The following ARHGAP26 variants were observed in gnomAD, a reference collection of about 807,000 sequenced individuals.
ARHGAP26 encodes rho GTPase-activating protein 26.
A neutral mutation model predicts 104.8 loss-of-function variants in ARHGAP26; 38 were observed. That is an observed-to-expected ratio of 0.36 (90% CI 0.28 to 0.48). ARHGAP26 has a LOEUF of 0.48. Among genes scored for constraint, ARHGAP26 ranks in the 20% least tolerant of loss-of-function variants. ARHGAP26 has a pLI of 0.99. For synonymous variants in ARHGAP26, 341 were observed against 340.0 expected, an observed-to-expected ratio of 1.00 and a Z score of -0.03; for missense variants, 704 against 947.9, an observed-to-expected ratio of 0.74 and a Z score of 3.38.
intron 17 of ARHGAP26, among the ~76,000 whole-genome samples, chr5:143,080,943 C>T (rs549730469): frequency 2.8e-4 from 42 of 152,072 alleles, no homozygotes; most frequent in African/African-American, 9.4e-4. Context: ...GAACAGTGGG[C>T]ACATTTGGGA....
At chr5:142,804,238 G>T (rs904493592) in intron 1 of ARHGAP26, among the ~76,000 whole-genome samples, 3 of 152,138 alleles carry the variant, frequency 2.0e-5, no homozygotes, top group Admixed American at 6.5e-5. Flanking sequence ...CAAAGAACGA[G>T]ACCCAATATT....
intron 11 of ARHGAP26, among the ~76,000 whole-genome samples, chr5:142,935,499 A>C (rs941087043): frequency 1.3e-5 from 2 of 152,266 alleles, no homozygotes; most frequent in African/African-American, 2.4e-5. Context: ...TTACAAAAAC[A>C]GATGGCTGGC....
At chr5:143,180,125 C>CA (rs1804088357) in intron 20 of ARHGAP26, among the ~76,000 whole-genome samples, 1 of 151,840 alleles carries the variant, frequency 6.6e-6, no homozygotes, top group Non-Finnish European at 1.5e-5. Context: ...AATTCTCTCT[C>CA]TTTTTTTTGT....
chr5:143,212,171 A>G (rs1393306553), intron 21 of ARHGAP26, among the ~76,000 whole-genome samples: 1 of 152,086 alleles, frequency 6.6e-6, no homozygotes, highest in African/African-American at 2.4e-5. Context: ...CCTGTCCTCA[A>G]GAGGCAGAAA....
intron 12 of ARHGAP26, among the ~76,000 whole-genome samples, chr5:143,022,294 G>A (rs58817012): frequency 0.02 from 3,112 of 152,040 alleles, 104 homozygotes; most frequent in African/African-American, 0.068. Context: ...GCTGGTCTCG[G>A]ACTCCTGACC....
intron 17 of ARHGAP26, among the ~76,000 whole-genome samples, chr5:143,096,187 T>C (rs1792279793): frequency 1.3e-5 from 2 of 152,234 alleles, no homozygotes. Flanking sequence ...AAAATATTAG[T>C]AAACTGCGTT....
intron 20 of ARHGAP26, among the ~76,000 whole-genome samples, chr5:143,151,289 T>C (rs966756149): frequency 3.9e-5 from 6 of 152,210 alleles, no homozygotes; most frequent in African/African-American, 1.4e-4. Flanking sequence ...GGCTAGGATG[T>C]GGAGCAGTGG....
At chr5:142,948,428 T>A (rs1767507228) in intron 11 of ARHGAP26, among the ~76,000 whole-genome samples, 1 of 151,588 alleles carries the variant, frequency 6.6e-6, no homozygotes, top group Non-Finnish European at 1.5e-5. Flanking sequence ...ATATATAATA[T>A]GTATTTTAAT....
intron 11 of ARHGAP26, among the ~76,000 whole-genome samples, chr5:142,945,282 T>C (rs1447410695): frequency 1.3e-5 from 2 of 152,360 alleles, no homozygotes; most frequent in Admixed American, 1.3e-4. Context: ...CCTTTCTACC[T>C]GTGCTTCTAT....
intron 17 of ARHGAP26, among the ~76,000 whole-genome samples, chr5:143,111,776 AT>A (rs1284816174): frequency 6.6e-6 from 1 of 152,148 alleles, no homozygotes; most frequent in Non-Finnish European, 1.5e-5. Flanking sequence ...CCTCGTAAAT[AT>A]TTTTTTGGCT....
intron 11 of ARHGAP26, among the ~76,000 whole-genome samples, chr5:142,945,200 A>T (rs1766929048): frequency 6.6e-6 from 1 of 152,168 alleles, no homozygotes; most frequent in Non-Finnish European, 1.5e-5. Context: ...TAACCAATGC[A>T]AGAGTTCTCA....
At chr5:142,866,346 C>T (rs762545319) in intron 1 of ARHGAP26, among the ~76,000 whole-genome samples, 8 of 152,200 alleles carry the variant, frequency 5.3e-5, no homozygotes, top group African/African-American at 1.4e-4. Context: ...CATTACCACT[C>T]ATTCCCTGCA....
In ARHGAP26 at chr5:142,932,091, G is replaced by A. The variant is rs1290037224; in HGVS notation, c.1073G>A (p.Arg358Lys). The change falls in exon 11 of 23, where the codon AGG becomes AAG. Residue 358 changes from arginine (R) to lysine (K), a missense_variant. Coordinates refer to ENST00000645722, the MANE Select transcript of ARHGAP26 (RefSeq NM_001135608.3). ...CAAGCTTTGTCGGAAGAGGACCGGAGGCTCTGGATGGAAGCCATGGATGGC... is the reference window on the plus strand; with the variant it reads ...CAAGCTTTGTCGGAAGAGGACCGGAAGCTCTGGATGGAAGCCATGGATGGC... Reference protein sequence around the residue: ...TMQALSEEDRRLWMEAMDGRE... With the variant: ...TMQALSEEDRKLWMEAMDGRE... 6.2e-7 allele frequency: 1 copy of A among 1,614,138 alleles called. No homozygotes were observed. The highest frequency in any genetic ancestry group is 8.5e-7 in the Non-Finnish European group (1 of 1,179,982).
chr5:143,051,668 T>C (rs956285894), intron 14 of ARHGAP26, among the ~76,000 whole-genome samples: 1 of 152,226 alleles, frequency 6.6e-6, no homozygotes, highest in African/African-American at 2.4e-5. Flanking sequence ...GCTCAAGTTA[T>C]GAGCCTTGCC....
intron 17 of ARHGAP26, among the ~76,000 whole-genome samples, chr5:143,084,011 A>G (rs1470001452): frequency 6.6e-6 from 1 of 152,248 alleles, no homozygotes; most frequent in African/African-American, 2.4e-5. Context: ...TCCACTTTAA[A>G]GCATCTGCAG....
At position 143,227,159 on chromosome 5, in the gene ARHGAP26, C is replaced by T. The variant is rs1036294536; in HGVS notation, c.*4713C>T. Reference sequence around the variant, plus strand: ...CTGAGTTTTGTGGACATGGCACTCCCGGAGACAGCAGTGGCCACCATGGCA... The same window carrying T: ...CTGAGTTTTGTGGACATGGCACTCCTGGAGACAGCAGTGGCCACCATGGCA... On this transcript the variant is annotated 3_prime_UTR_variant, in exon 23 of 23. Coordinates refer to ENST00000645722, the MANE Select transcript of ARHGAP26 (RefSeq NM_001135608.3). The T allele has an allele frequency of 4.3e-5, 10 of 230,060 alleles. No individual in the cohort carries two copies. Among genetic ancestry groups the T allele is most frequent in the Admixed American group, 1.1e-4 (2 of 17,658 alleles). The allele number at this position is 230,060 out of a possible 1,614,324, so 14.3% of individuals were successfully genotyped here. A position where few individuals can be genotyped will look rare whatever the true frequency, so the allele number is the denominator to read the frequency against.
rs1401526361 is a variant in ARHGAP26 at position 143,224,177 on chromosome 5, T to C, written c.*1731T>C. 4.3e-6 allele frequency: 1 copy of C among 231,012 alleles called. No homozygotes were observed. The highest frequency in any genetic ancestry group is 2.2e-5 in the African/African-American group (1 of 45,198). The allele number at this position is 231,012 out of a possible 1,614,324, so 14.3% of individuals were successfully genotyped here. A position where few individuals can be genotyped will look rare whatever the true frequency, so the allele number is the denominator to read the frequency against. The stretch of plus-strand genomic sequence containing the variant: ...AATACTATATGGCAAAGTTTTATAT[T>C]TGATATTCTTTAAGTTAGTTGCTCA... On this transcript the variant is annotated 3_prime_UTR_variant, in exon 23 of 23. Transcript: ENST00000645722.
chr5:143,037,210 A>T lies in ARHGAP26; in HGVS notation c.1159A>T (p.Ser387Cys). The change falls in exon 13 of 23, where the codon AGC becomes TGC. Residue 387 changes from serine (S) to cysteine (C), a missense_variant. By Grantham distance (112) the Ser-to-Cys change is moderately radical (BLOSUM62 -1). Transcript: ENST00000645722. Reference protein sequence around the residue: ...SQSEGTAQLDSIGFSIIRKCI... With the variant: ...SQSEGTAQLDCIGFSIIRKCI... Reference sequence around the variant, plus strand: ...TGCTCTTTCAGCTGCGCAGTTGGACAGCATTGGCTTCAGCATAATCAGGAA... The same window carrying T: ...TGCTCTTTCAGCTGCGCAGTTGGACTGCATTGGCTTCAGCATAATCAGGAA... 1.2e-6 allele frequency: 2 copies of T among 1,602,338 alleles called. No homozygotes were observed. Among genetic ancestry groups the T allele is most frequent in the Non-Finnish European group, 1.7e-6 (2 of 1,171,212 alleles).
intron 17 of ARHGAP26, among the ~76,000 whole-genome samples, chr5:143,083,891 A>C (rs1012853511): frequency 1.3e-5 from 2 of 152,144 alleles, no homozygotes; most frequent in Non-Finnish European, 2.9e-5. Flanking sequence ...GAGATACTTC[A>C]TTTGCAAAGG....
Sources: gnomAD v4.1 joint callset for allele counts (sites outside exome capture counted in the v4.1 genomes callset) on GRCh38, gnomAD v4.1.1 for gene constraint, MANE v1.5 for transcripts, NCBI Gene and HGNC (gene_info 2026-07-23, HGNC 2026-07-21) for gene names.